Variants in ARHGAP31 observed in about 807,000 individuals in gnomAD.
The protein encoded by ARHGAP31 is Rho GTPase activating protein 31.
ARHGAP31 carries 34 observed loss-of-function variants against 113.9 expected under a neutral mutation model. The observed-to-expected ratio is 0.30, with a 90% CI of 0.23 to 0.40. The LOEUF (loss-of-function observed/expected upper bound fraction) is 0.40, where lower values mean the gene tolerates loss of function less well. ARHGAP31 is among the 10% of genes least tolerant of loss of function. ARHGAP31 has a pLI of 1.00. For missense variants in ARHGAP31, 1,548 were observed against 1,767.1 expected, an observed-to-expected ratio of 0.88 and a Z score of 2.22; for synonymous variants, 650 against 684.8, an observed-to-expected ratio of 0.95 and a Z score of 0.79.
At chr3:119,319,802 G>A (rs1354566849) in intron 1 of ARHGAP31, among the ~76,000 whole-genome samples, 2 of 152,168 alleles carry the variant, frequency 1.3e-5, no homozygotes, top group Non-Finnish European at 2.9e-5. Context: ...GTGAATCCAC[G>A]AATGTCCAGT....
Position 119,396,092 on chromosome 3 carries a change from A to G in ARHGAP31, c.1006+2501A>G, listed in dbSNP as rs78245825. ...AAAAGTCAAAAAATAACAAAACAAA[A>G]CAACAAAAAGGAAATAAGTGGTTTG... On this transcript the variant is annotated intron_variant, in intron 8 of 11. Coordinates refer to ENST00000264245, the MANE Select transcript of ARHGAP31 (RefSeq NM_020754.4). Among the ~76,000 whole-genome samples the G allele has an allele frequency of 7.0e-3, 1,068 of 152,260 alleles. 17 individuals are homozygous for G. The South Asian group carries it at 0.071, about 10-fold the overall frequency.
chr3:119,411,733 T>C (rs2107645652), intron 11 of ARHGAP31, among the ~76,000 whole-genome samples: 1 of 152,288 alleles, frequency 6.6e-6, no homozygotes, highest in Middle Eastern at 3.4e-3. Flanking sequence ...AGCAGATTAA[T>C]TTTGATAAAG....
At chr3:119,300,499 G>T (rs1341605370) in intron 1 of ARHGAP31, among the ~76,000 whole-genome samples, 1 of 152,100 alleles carries the variant, frequency 6.6e-6, no homozygotes, top group East Asian at 1.9e-4. Flanking sequence ...AGGAACTAAA[G>T]GTCACCCTAA....
rs541827684 is a variant in ARHGAP31 at position 119,414,378 on chromosome 3, C to G, written c.2449C>G (p.Leu817Val). Reference protein sequence around the residue: ...EDSSRKLRTDLYIDQLKSQDS... With the variant: ...EDSSRKLRTDVYIDQLKSQDS... ...CTCATCCAGGAAATTGAGGACAGAT[C>G]TCTACATAGACCAGCTGAAGTCCCA... is the stretch of plus-strand genomic sequence containing the variant. The change falls in exon 12 of 12, where the codon CTC becomes GTC. Residue 817 changes from leucine (L) to valine (V), a missense_variant. Transcript: ENST00000264245. The G allele has an allele frequency of 1.9e-6, 3 of 1,614,190 alleles. No homozygotes were observed. In the African/African-American group the frequency reaches 4.0e-5, roughly 22 times the overall value.
chr3:119,400,525 T>G (rs76805530), intron 9 of ARHGAP31, among the ~76,000 whole-genome samples: 18 of 152,344 alleles, frequency 1.2e-4, no homozygotes, highest in African/African-American at 4.1e-4. Context: ...CTCGATACTT[T>G]CAGCATTTTC....
chr3:119,308,841 T>G (rs994346614), intron 1 of ARHGAP31, among the ~76,000 whole-genome samples: 22 of 152,138 alleles, frequency 1.4e-4, no homozygotes, highest in African/African-American at 3.4e-4. Context: ...TATGATTTTT[T>G]TTGTTGTTGT....
At chr3:119,352,661 G>A (rs1229167948) in intron 1 of ARHGAP31, among the ~76,000 whole-genome samples, 1 of 152,148 alleles carries the variant, frequency 6.6e-6, no homozygotes, top group Admixed American at 6.5e-5. Flanking sequence ...AGAACTTCAG[G>A]GTTGGCCCTG....
At chr3:119,311,686 C>T (rs2079684679) in intron 1 of ARHGAP31, among the ~76,000 whole-genome samples, 1 of 152,138 alleles carries the variant, frequency 6.6e-6, no homozygotes, top group African/African-American at 2.4e-5. Flanking sequence ...TCAAATGCCA[C>T]CATCTGCTAA....
At position 119,416,553 on chromosome 3, in the gene ARHGAP31, G is replaced by A. The variant is rs1213530054; in HGVS notation, c.*289G>A. ...CTCCAATGAACTTTGGAGCTTGTAT[G>A]TGAGTCAGATTGCTCCCCTATTGCT... On this transcript the variant is annotated 3_prime_UTR_variant, in exon 12 of 12. Coordinates refer to ENST00000264245, the MANE Select transcript of ARHGAP31 (RefSeq NM_020754.4). 6.7e-6 allele frequency: 3 copies of A among 450,178 alleles called. No individual in the cohort carries two copies. The highest frequency in any genetic ancestry group is 2.0e-5 in the African/African-American group (1 of 50,344). 27.9% of individuals were successfully genotyped at this position (450,178 alleles called of 1,614,324 possible). A position where few individuals can be genotyped will look rare whatever the true frequency, so the allele number is the denominator to read the frequency against.
intron 1 of ARHGAP31, among the ~76,000 whole-genome samples, chr3:119,334,860 G>T (rs1255015616): frequency 2.0e-5 from 3 of 152,196 alleles, no homozygotes; most frequent in African/African-American, 4.8e-5. Flanking sequence ...TAAGTAATTT[G>T]CTTGAGGTCA....
chr3:119,299,748 C>T (rs919657915), intron 1 of ARHGAP31, among the ~76,000 whole-genome samples: 16 of 152,214 alleles, frequency 1.1e-4, no homozygotes, highest in African/African-American at 3.6e-4. Flanking sequence ...AGTTAGCTGT[C>T]ATAGCTGAAG....
chr3:119,365,204 A>T (rs935453537), intron 1 of ARHGAP31, 112 bp from the exon 2 acceptor site: 2 of 815,812 alleles, frequency 2.5e-6, no homozygotes, highest in Non-Finnish European at 4.1e-6. Flanking sequence ...AAGTCATATG[A>T]GTTCCATACT....
intron 6 of ARHGAP31, among the ~76,000 whole-genome samples, chr3:119,385,291 C>T (rs2080439632): frequency 6.6e-6 from 1 of 151,792 alleles, no homozygotes; most frequent in East Asian, 1.9e-4. Flanking sequence ...TATATCAGTA[C>T]TTCATTCCTT....
intron 1 of ARHGAP31, among the ~76,000 whole-genome samples, chr3:119,358,041 A>G (rs985065574): frequency 1.2e-4 from 18 of 152,220 alleles, no homozygotes; most frequent in Non-Finnish European, 2.5e-4. Flanking sequence ...GAAATGTAAA[A>G]CTTCTGTGCT....
Position 119,402,176 on chromosome 3 carries a change from C to T in ARHGAP31, c.1424C>T (p.Pro475Leu), listed in dbSNP as rs1187549685. 1.2e-6 allele frequency: 2 copies of T among 1,614,284 alleles called. No homozygotes were observed. The highest frequency in any genetic ancestry group is 1.7e-5 in the Admixed American group (1 of 60,036). ...ACCAGCAGCCTCTTCCAGATGGAGC[C>T]CTCGCCGCGTAACCAGCGCAAGGCG... ...VFTSSLFQME[P>L]SPRNQRKALN... The change falls in exon 10 of 12, where the codon CCC becomes CTC. Residue 475 changes from proline to leucine, a missense_variant. Pro to Leu is a moderately conservative substitution (Grantham distance 98). Transcript: ENST00000264245.
At chr3:119,350,434 C>T (rs1257608893) in intron 1 of ARHGAP31, among the ~76,000 whole-genome samples, 1 of 152,150 alleles carries the variant, frequency 6.6e-6, no homozygotes, top group Non-Finnish European at 1.5e-5. Context: ...AAATGTTCCC[C>T]ATCTCCCGTC....
At chr3:119,320,208 C>G (rs1391192896) in intron 1 of ARHGAP31, among the ~76,000 whole-genome samples, 1 of 152,210 alleles carries the variant, frequency 6.6e-6, no homozygotes, top group Non-Finnish European at 1.5e-5. Flanking sequence ...CAAGACTGAA[C>G]AGTTCTCAAA....
intron 6 of ARHGAP31, among the ~76,000 whole-genome samples, chr3:119,387,835 A>G (rs989942367): frequency 2.0e-5 from 3 of 152,244 alleles, no homozygotes; most frequent in Admixed American, 6.5e-5. Context: ...ACAAATAAAT[A>G]TATTATCACT....
At chr3:119,331,983 C>T (rs1176045185) in intron 1 of ARHGAP31, among the ~76,000 whole-genome samples, 1 of 152,140 alleles carries the variant, frequency 6.6e-6, no homozygotes, top group Non-Finnish European at 1.5e-5. Flanking sequence ...TGAACAGCAC[C>T]TCTGTCATTT....
Sources: allele counts gnomAD v4.1 joint callset (sites outside exome capture counted in the v4.1 genomes callset), GRCh38; gene constraint gnomAD v4.1.1; transcripts MANE v1.5; gene names NCBI Gene and HGNC (gene_info 2026-07-23, HGNC 2026-07-21).